The following NLRP1 variants were observed in gnomAD, a reference collection of about 807,000 sequenced individuals.
The protein encoded by NLRP1 is NACHT, LRR and PYD domains-containing protein 1.
A neutral mutation model predicts 136.7 loss-of-function variants in NLRP1; 94 were observed. The ratio of observed to expected loss-of-function variants is 0.69; its 90% CI spans 0.58 to 0.82. NLRP1 has a LOEUF of 0.82. Ranked by LOEUF, NLRP1 falls within the 40% of genes least tolerant of loss-of-function variation. The probability of loss-of-function intolerance (pLI) is 0.00; values close to 1 mark genes in which losing one functional copy is unlikely to be tolerated. For missense variants in NLRP1, 1,575 were observed against 1,802.7 expected (o/e 0.87, Z 2.29); for synonymous variants, 690 against 725.1 (o/e 0.95, Z 0.78).
chr17:5,529,172 C>G (rs936865641), intron 12 of NLRP1, among the ~76,000 whole-genome samples: 2 of 152,148 alleles, frequency 1.3e-5, no homozygotes, highest in African/African-American at 4.8e-5. Context: ...TCTCCCTTCT[C>G]TCTCTCTTTC....
chr17:5,513,502 A>G (rs990782546), downstream of NLRP1, among the ~76,000 whole-genome samples: 2 of 152,242 alleles, frequency 1.3e-5, no homozygotes, highest in Admixed American at 1.3e-4. Context: ...GTTCAAGTTT[A>G]TGTCTTCCAG....
intron 3 of NLRP1, among the ~76,000 whole-genome samples, chr17:5,578,367 A>G (rs566289638): frequency 6.6e-6 from 1 of 152,356 alleles, no homozygotes; most frequent in South Asian, 2.1e-4. Flanking sequence ...CTCATCTAAC[A>G]AAGGGCTAAT....
In NLRP1 at chr17:5,539,416, C is replaced by A. The variant is rs377182366; in HGVS notation, c.2869G>T (p.Gly957Trp). 6.2e-6 allele frequency: 10 copies of A among 1,611,414 alleles called. No homozygotes were observed. The highest frequency in any genetic ancestry group is 8.5e-6 in the Non-Finnish European group (10 of 1,178,656). Residue 957 changes from glycine to tryptophan, a missense_variant and splice_region_variant, in exon 7 of 17, where the codon GGG becomes TGG. Transcript: ENST00000572272. The part of the protein sequence containing the change: ...RHPACKLIRL[G>W]LDQTTLSDEM... ...CAGAAGGGACCCACAGGGCCTTACC[C>A]CAGGCGTATGAGTTTGCAGGCAGGA...
In NLRP1 at chr17:5,539,548, C is replaced by T; in HGVS notation, c.2737G>A (p.Asp913Asn). 1 of 1,613,602 alleles carries T rather than the reference C, an allele frequency of 6.2e-7. No individual in the cohort carries two copies. Among genetic ancestry groups the T allele is most frequent in the South Asian group, 1.1e-5 (1 of 91,030 alleles). Residue 913 changes from aspartate (D) to asparagine (N), a missense_variant, in exon 7 of 17, where the codon GAC becomes AAC. Transcript: ENST00000572272. Reference sequence around the variant, plus strand: ...CTGGCACTAAGCACAGAGGCCAGGTCCTGGCAGCAGTCAGACGTGAGGCCA... The same window carrying T: ...CTGGCACTAAGCACAGAGGCCAGGTTCTGGCAGCAGTCAGACGTGAGGCCA... ...SCGLTSDCCQ[D>N]LASVLSASPS...
rs12950024 is a variant in NLRP1 at position 5,537,626 on chromosome 17, C to T, written c.2871-686G>A. On this transcript the variant is annotated intron_variant, in intron 7 of 16. Coordinates refer to ENST00000572272, the MANE Select transcript of NLRP1 (RefSeq NM_033004.4). This position sits in a 1 kb window ranked among gnomAD's most constrained non-coding sequence, Gnocchi z 4.5. ...GGCGGTGAAAAGACCCTGTCTTCTG[C>T]GAAGGGCTCTGCATTCATTCCCCTA... Among the ~76,000 whole-genome samples, 7,202 of 152,240 alleles carry T rather than the reference C, an allele frequency of 0.047. 198 individuals carry two copies. The highest frequency in any genetic ancestry group is 0.088 in the Middle Eastern group (26 of 294).
Position 5,541,803 on chromosome 17 carries a change from C to T in NLRP1, c.2699+54G>A, listed in dbSNP as rs1911898787. On this transcript the variant is annotated intron_variant, in intron 6 of 16. Transcript: ENST00000572272. The surrounding 1 kb of genome is among the most constrained non-coding windows in gnomAD (Gnocchi z 4.2). Reference sequence around the variant, plus strand: ...CTCTCTGCTCTTACCCTCTGCCTGCCTCATGGTGGCAGGCAGTTCCCTCCA... The same window carrying T: ...CTCTCTGCTCTTACCCTCTGCCTGCTTCATGGTGGCAGGCAGTTCCCTCCA... 1 of 1,581,244 alleles carries T rather than the reference C, an allele frequency of 6.3e-7. No individual in the cohort carries two copies. The highest frequency in any genetic ancestry group is 1.7e-5 in the Admixed American group (1 of 59,594).
chr17:5,521,537 C>T lies in NLRP1; in HGVS notation c.3770G>A (p.Cys1257Tyr). The T allele has an allele frequency of 1.2e-6, 2 of 1,613,692 alleles. No homozygotes were observed. Among genetic ancestry groups the T allele is most frequent in the Non-Finnish European group, 1.7e-6 (2 of 1,179,848 alleles). The change falls in exon 13 of 17, where the codon TGC (cysteine) becomes TAC (tyrosine). Residue 1257 changes from cysteine to tyrosine, a missense_variant. Cys to Tyr is a radical substitution (Grantham distance 194, BLOSUM62 -2). Transcript: ENST00000572272. ...TCTTAGTGTCACCTTCCGAATGGAG[C>T]AGTCACTTGGGATCAGGTAGAGGTG... is the stretch of plus-strand genomic sequence containing the variant. ...TFHLYLIPSD[C>Y]SIRKAIDDLE...
chr17:5,560,573 G>C (rs537701459), intron 3 of NLRP1, among the ~76,000 whole-genome samples: 1 of 135,634 alleles, frequency 7.4e-6, no homozygotes, highest in Non-Finnish European at 1.7e-5. Flanking sequence ...CCTGTAAGCC[G>C]GGTGGGCCAG....
At chr17:5,517,568 G>A (rs1369906307) in intron 15 of NLRP1, among the ~76,000 whole-genome samples, 178 bp downstream of exon 15, 4 of 151,944 alleles carry the variant, frequency 2.6e-5, no homozygotes, top group African/African-American at 9.7e-5. Context: ...TTGTACTTTT[G>A]GTAGAGATGG....
chr17:5,581,768 T>A, intron 3 of NLRP1, 91 bp downstream of exon 3: 1 of 1,067,056 alleles, frequency 9.4e-7, no homozygotes, highest in East Asian at 2.4e-5. Context: ...AACCTCTGCT[T>A]AGCCTGCCAA....
intron 3 of NLRP1, among the ~76,000 whole-genome samples, chr17:5,575,107 A>G (rs1213702268): frequency 6.6e-6 from 1 of 152,218 alleles, no homozygotes; most frequent in African/African-American, 2.4e-5. Context: ...CTGCCCTAAA[A>G]GAGTTCCTGA....
rs1905712093 is a variant in NLRP1, at chr17:5,581,989, G to C, written c.522C>G (p.Pro174=). The C allele has an allele frequency of 6.2e-7, 1 of 1,613,718 alleles. No homozygotes were observed. The highest frequency in any genetic ancestry group is 8.5e-7 in the Non-Finnish European group (1 of 1,179,828). Residue 174 remains proline (P), a synonymous_variant, in exon 3 of 17, where the codon CCC becomes CCG. Transcript: ENST00000572272. ...GCACTGCTGTGGATGTGGGGGCGTT[G>C]GGTGACTCCTGGCTTGGAGACTCAT... ...PDHESPSQES[P]NAPTSTAVLG... is the part of the protein sequence containing the mutation.
intron 11 of NLRP1, among the ~76,000 whole-genome samples, chr17:5,531,478 T>TA (rs1280984424): frequency 6.6e-6 from 1 of 152,158 alleles, no homozygotes; most frequent in Non-Finnish European, 1.5e-5. Context: ...CTCGGTCTCT[T>TA]AAAGTGCTGG....
At chr17:5,518,571 CTT>C (rs71370064) in intron 14 of NLRP1, 17 of 139,886 alleles carry the variant, frequency 1.2e-4, no homozygotes, top group East Asian at 2.1e-4. Flanking sequence ...TTTTTTGTTT[CTT>C]TTTTTTTTTT....
At chr17:5,521,858 C>T (rs1388665438) in intron 12 of NLRP1, 72 bp from the exon 13 acceptor site, 11 of 1,437,586 alleles carry the variant, frequency 7.7e-6, no homozygotes, top group Non-Finnish European at 1.0e-5. Context: ...GAGTTTCGCT[C>T]TTGTCGCCCA....
chr17:5,501,986 A>G (rs1907111405), intron 15 of NLRP1: 1 of 905,932 alleles, frequency 1.1e-6, no homozygotes, highest in Non-Finnish European at 1.8e-6. Context: ...CCATCAGAGA[A>G]CTCCCTGCCT....
Position 5,541,745 on chromosome 17 carries a change from C to T in NLRP1, c.2699+112G>A. The T allele has an allele frequency of 1.9e-6, 2 of 1,074,022 alleles. No homozygotes were observed. The highest frequency in any genetic ancestry group is 2.4e-5 in the East Asian group (1 of 41,654). 66.5% of individuals were successfully genotyped at this position (1,074,022 alleles called of 1,614,324 possible). On this transcript the variant is annotated intron_variant, in intron 6 of 16. Coordinates refer to ENST00000572272, the MANE Select transcript of NLRP1 (RefSeq NM_033004.4). This position sits in a 1 kb window ranked among gnomAD's most constrained non-coding sequence, Gnocchi z 4.2. ...TACTGCCTGGCTGAGATCCTGTAGG[C>T]TCCTCCCACTCCCACAAAGCAGGTC... is the stretch of plus-strand genomic sequence containing the variant.
At chr17:5,512,194 T>C (rs1405426676), downstream of NLRP1, 4 of 1,215,960 alleles carry the variant, frequency 3.3e-6, no homozygotes, top group Non-Finnish European at 4.9e-6. Context: ...TTTCTTTAAA[T>C]GTTCCACAGA....
chr17:5,555,292 T>C (rs1913908971), intron 4 of NLRP1, among the ~76,000 whole-genome samples: 1 of 152,090 alleles, frequency 6.6e-6, no homozygotes, highest in African/African-American at 2.4e-5. Flanking sequence ...TCTGGTTGGT[T>C]CTCCTCTTCC....
Sources: gnomAD v4.1 joint callset for allele counts (sites outside exome capture counted in the v4.1 genomes callset) on GRCh38, gnomAD v4.1.1 for gene constraint, Gnocchi (gnomAD v3.1) non-coding constraint, MANE v1.5 for transcripts, NCBI Gene and HGNC (gene_info 2026-07-23, HGNC 2026-07-21) for gene names.